Variants in AK8 observed in about 807,000 individuals in gnomAD.
AK8 encodes the protein adenylate kinase 8, also known as ATP-AMP transphosphorylase 8.
In AK8, 44 loss-of-function variants were observed where a neutral mutation model predicts 54.6. The observed-to-expected ratio is 0.81, with a 90% CI of 0.63 to 1.04. The LOEUF is 1.04. Among genes scored for constraint, AK8 ranks in the 50% least tolerant of loss-of-function variants. The pLI is 0.00. For synonymous variants in AK8, 239 were observed against 245.6 expected (o/e 0.97, Z 0.25); for missense variants, 555 against 613.6 (o/e 0.90, Z 1.01).
intron 5 of AK8, among the ~76,000 whole-genome samples, chr9:132,832,017 G>A (rs1023951816): frequency 2.2e-5 from 3 of 135,468 alleles, no homozygotes; most frequent in African/African-American, 5.5e-5. Context: ...AGCTACGATC[G>A]TGCTATTGCA....
intron 5 of AK8, among the ~76,000 whole-genome samples, chr9:132,838,716 C>T (rs558082863): frequency 1.4e-4 from 22 of 152,290 alleles, no homozygotes; most frequent in African/African-American, 4.3e-4. Context: ...CGGCCTCATC[C>T]GTAGAATGAC....
chr9:132,872,343 A>C (rs934807862), intron 2 of AK8, among the ~76,000 whole-genome samples: 33 of 78,162 alleles, frequency 4.2e-4, no homozygotes, highest in Non-Finnish European at 5.0e-4. Context: ...AAAAAGAAAA[A>C]TAAGAGGGAG....
chr9:132,856,854 G>A (rs139314461), intron 4 of AK8, among the ~76,000 whole-genome samples: 14 of 152,272 alleles, frequency 9.2e-5, no homozygotes, highest in African/African-American at 3.4e-4. Flanking sequence ...TTCCAGGGAT[G>A]GGGAATGGGA....
At chr9:132,878,500 T>C (rs1844263332), upstream of AK8, 1 of 1,201,924 alleles carries the variant, frequency 8.3e-7, no homozygotes, top group Non-Finnish European at 1.0e-6. The surrounding 1 kb of genome is among the most constrained non-coding windows in gnomAD (Gnocchi z 4.7). Flanking sequence ...GGGGACACCC[T>C]CAGGTGGCTT....
rs1838928561 is a variant in AK8 at position 132,770,649 on chromosome 9, C to T, written c.1121+21985G>A. On this transcript the variant is annotated intron_variant, in intron 11 of 12. Coordinates refer to ENST00000298545, the MANE Select transcript of AK8 (RefSeq NM_152572.3). This position sits in a 1 kb window ranked among gnomAD's most constrained non-coding sequence, Gnocchi z 4.3. ...CAGAGACCTGGGGCAGCGCGGTGGG[C>T]AGCGGGCTGGGCCGAGATCGAGACC... is the stretch of plus-strand genomic sequence containing the variant. 6.6e-6 allele frequency among the ~76,000 whole-genome samples: 1 copy of T among 152,120 alleles called. No homozygotes were observed. The highest frequency in any genetic ancestry group is 1.5e-5 in the Non-Finnish European group (1 of 68,006).
rs1447162334 is a variant in AK8 at position 132,792,618 on chromosome 9, G to C, written c.1121+16C>G. 4 of 1,548,276 alleles carry C rather than the reference G, an allele frequency of 2.6e-6. No homozygotes were observed. In the South Asian group the frequency reaches 4.8e-5, roughly 19 times the overall value. ...GGGGCTTGGCCAGGGCTGCTGGCTT[G>C]GCTGGGGCAGCTCACCTGTTGGGAT... On this transcript the variant is annotated intron_variant, in intron 11 of 12. Coordinates refer to ENST00000298545, the MANE Select transcript of AK8 (RefSeq NM_152572.3).
chr9:132,801,302 T>A (rs527900024), intron 10 of AK8, among the ~76,000 whole-genome samples: 46 of 152,232 alleles, frequency 3.0e-4, no homozygotes, highest in Non-Finnish European at 5.6e-4. Flanking sequence ...TATAAACAAC[T>A]GGTACATCAC....
At chr9:132,872,723 C>T (rs1465402774) in intron 2 of AK8, among the ~76,000 whole-genome samples, 1 of 152,084 alleles carries the variant, frequency 6.6e-6, no homozygotes, top group Non-Finnish European at 1.5e-5. Context: ...AACCTCCACC[C>T]CCTGGGTTCA....
intron 11 of AK8, among the ~76,000 whole-genome samples, chr9:132,757,575 T>A (rs1838250496): frequency 6.6e-6 from 1 of 152,188 alleles, no homozygotes; most frequent in Non-Finnish European, 1.5e-5. Context: ...TGACTGACCC[T>A]CACAGCAACT....
intron 11 of AK8, among the ~76,000 whole-genome samples, chr9:132,780,931 G>GC (rs143651719): frequency 0.014 from 2,125 of 152,130 alleles, 53 homozygotes; most frequent in African/African-American, 0.049. Flanking sequence ...AGCTTGCCCT[G>GC]CCCCCTCCCT....
intron 10 of AK8, among the ~76,000 whole-genome samples, chr9:132,796,059 T>C (rs1256642472): frequency 1.3e-5 from 2 of 152,182 alleles, no homozygotes; most frequent in Admixed American, 6.5e-5. Context: ...GGTCATCCCA[T>C]TGACCTCTTG....
intron 9 of AK8, among the ~76,000 whole-genome samples, chr9:132,815,490 T>C (rs1588163386): frequency 6.6e-6 from 1 of 151,446 alleles, no homozygotes; most frequent in Non-Finnish European, 1.5e-5. Flanking sequence ...GAGGTGGAGG[T>C]TGCAGCGAGC....
At chr9:132,863,623 C>G in intron 4 of AK8, 42 bp downstream of exon 4, 1 of 1,441,388 alleles carries the variant, frequency 6.9e-7, no homozygotes, top group Non-Finnish European at 9.7e-7. Context: ...GCAGTGGGCA[C>G]TGCTGCTGTG....
rs561327615 is a variant in AK8 at position 132,855,912 on chromosome 9, G to A, written c.334-987C>T. Among the ~76,000 whole-genome samples the A allele has an allele frequency of 9.9e-5, 15 of 152,230 alleles. No individual in the cohort carries two copies. In the South Asian group the frequency reaches 1.7e-3, roughly 17 times the overall value. The stretch of plus-strand genomic sequence containing the variant: ...CAACTCTATCCTCAGATCCAGAGGA[G>A]GGCCCTGACTGGTCTAAGCCAATCC... On this transcript the variant is annotated intron_variant, in intron 4 of 12. Coordinates refer to ENST00000298545, the MANE Select transcript of AK8 (RefSeq NM_152572.3).
intron 11 of AK8, among the ~76,000 whole-genome samples, chr9:132,784,790 G>T (rs993427417): frequency 3.1e-4 from 47 of 152,002 alleles, no homozygotes; most frequent in African/African-American, 1.0e-3. Flanking sequence ...ATGAATCAAA[G>T]ACATAATCCA....
At chr9:132,823,160 G>A (rs778577642) in intron 9 of AK8, 45 bp downstream of exon 9, 4 of 1,506,118 alleles carry the variant, frequency 2.7e-6, no homozygotes, top group Non-Finnish European at 3.5e-6. Context: ...CAGGAGGCAG[G>A]GAAAGGCTCT....
chr9:132,799,681 C>T lies in AK8; in HGVS notation c.980-6906G>A, dbSNP rs1295286855. Among the ~76,000 whole-genome samples the T allele has an allele frequency of 6.6e-6, 1 of 152,086 alleles. No individual in the cohort carries two copies. The highest frequency in any genetic ancestry group is 1.5e-5 in the Non-Finnish European group (1 of 68,004). Reference sequence around the variant, plus strand: ...CATACTGTATACCCACCTATCCACACATAGTACACGAAGCACACACCCTCA... The same window carrying T: ...CATACTGTATACCCACCTATCCACATATAGTACACGAAGCACACACCCTCA... On this transcript the variant is annotated intron_variant, in intron 10 of 12. Transcript: ENST00000298545. This position sits in a 1 kb window ranked among gnomAD's most constrained non-coding sequence, Gnocchi z 5.0.
intron 11 of AK8, among the ~76,000 whole-genome samples, chr9:132,733,606 G>A (rs1382867888): frequency 6.6e-6 from 1 of 152,226 alleles, no homozygotes; most frequent in African/African-American, 2.4e-5. Flanking sequence ...CGCTGCGGAG[G>A]GCCCTGCTCC....
chr9:132,726,014 G>T, intron 12 of AK8, 89 bp from the exon 13 acceptor site: 2 of 1,163,306 alleles, frequency 1.7e-6, no homozygotes, highest in South Asian at 2.8e-5. Flanking sequence ...GGACCAATTT[G>T]GGGTGTCCTG....
Sources: gnomAD v4.1 joint callset for allele counts (sites outside exome capture counted in the v4.1 genomes callset) on GRCh38, gnomAD v4.1.1 for gene constraint, Gnocchi (gnomAD v3.1) non-coding constraint, MANE v1.5 for transcripts, NCBI Gene and HGNC (gene_info 2026-07-23, HGNC 2026-07-21) for gene names.